Variants in RALGPS1 observed in about 807,000 individuals in gnomAD.
RALGPS1 encodes the protein Ral GEF with PH domain and SH3 binding motif 1.
RALGPS1 carries 19 observed loss-of-function variants against 78.8 expected under a neutral mutation model. The observed-to-expected ratio is 0.24, with a 90% CI of 0.17 to 0.35. RALGPS1 has a LOEUF of 0.35. Among genes scored for constraint, RALGPS1 ranks in the 10% least tolerant of loss-of-function variants. The pLI, the probability that RALGPS1 is intolerant of heterozygous loss-of-function variation, is 1.00. For missense variants in RALGPS1, 454 were observed against 688.3 expected (o/e 0.66, Z 3.81); for synonymous variants, 228 against 256.3 (o/e 0.89, Z 1.06).
rs768611385 is a variant in RALGPS1 at position 127,108,064 on chromosome 9, C to T, written c.610+38708C>T. ...GTTGTAGGTGGGTGGTTGGTAGACCCGGGGCGGGGCAGCGGGGGGTGGCTG... is the reference window on the plus strand; with the variant it reads ...GTTGTAGGTGGGTGGTTGGTAGACCTGGGGCGGGGCAGCGGGGGGTGGCTG... On this transcript the variant is annotated intron_variant, in intron 8 of 18. Coordinates refer to ENST00000259351, the MANE Select transcript of RALGPS1 (RefSeq NM_014636.3). 25 of 924,476 alleles carry T rather than the reference C, an allele frequency of 2.7e-5. No individual in the cohort carries two copies. In the East Asian group the frequency reaches 2.9e-4, roughly 11 times the overall value. The allele number at this position is 924,476 out of a possible 1,614,324, so 57.3% of individuals were successfully genotyped here.
At chr9:126,922,116 G>A (rs866361552) in intron 1 of RALGPS1, among the ~76,000 whole-genome samples, 4 of 152,168 alleles carry the variant, frequency 2.6e-5, no homozygotes, top group Non-Finnish European at 4.4e-5. Context: ...TTCTGGGCGC[G>A]TTTGTCTCAG....
Position 127,052,803 on chromosome 9 carries a change from T to A in RALGPS1, c.391-44T>A, listed in dbSNP as rs770318706. The A allele has an allele frequency of 3.1e-6, 4 of 1,289,074 alleles. No individual in the cohort carries two copies. The East Asian group carries it at 9.2e-5, about 30-fold the overall frequency. The allele number at this position is 1,289,074 out of a possible 1,614,324, so 79.9% of individuals were successfully genotyped here. On this transcript the variant is annotated intron_variant, in intron 6 of 18. Transcript: ENST00000259351. The stretch of plus-strand genomic sequence containing the variant: ...AACACTTGAGCATGTTTTTGTTCTG[T>A]TGTTTATAGCAGCAAAATAATCTAT...
At chr9:126,947,972 A>T (rs1205837162) in intron 1 of RALGPS1, among the ~76,000 whole-genome samples, 1 of 152,144 alleles carries the variant, frequency 6.6e-6, no homozygotes, top group Admixed American at 6.5e-5. Context: ...AAAGAGAACT[A>T]CATTTTTTTT....
At chr9:127,097,406 A>G (rs1161709259) in intron 8 of RALGPS1, among the ~76,000 whole-genome samples, 4 of 152,268 alleles carry the variant, frequency 2.6e-5, no homozygotes, top group African/African-American at 9.6e-5. Flanking sequence ...GGAATTTCAC[A>G]TGACAATCAG....
intron 4 of RALGPS1, among the ~76,000 whole-genome samples, chr9:127,028,703 A>G (rs2046166615): frequency 6.6e-6 from 1 of 152,220 alleles, no homozygotes; most frequent in African/African-American, 2.4e-5. Context: ...CGTTAAAAAT[A>G]TTACAATGTA....
At chr9:127,156,757 G>A (rs553003990) in intron 8 of RALGPS1, among the ~76,000 whole-genome samples, 4 of 152,104 alleles carry the variant, frequency 2.6e-5, no homozygotes, top group African/African-American at 9.6e-5. Flanking sequence ...CAATATGTCA[G>A]TCTTTTTTTA....
At chr9:127,001,384 C>T (rs534894884) in intron 4 of RALGPS1, among the ~76,000 whole-genome samples, 1 of 151,864 alleles carries the variant, frequency 6.6e-6, no homozygotes, top group Non-Finnish European at 1.5e-5. Flanking sequence ...CATGATTCCA[C>T]CTTAACTTCT....
intron 4 of RALGPS1, among the ~76,000 whole-genome samples, chr9:127,003,702 TTA>T: frequency 6.6e-6 from 1 of 152,124 alleles, no homozygotes; most frequent in African/African-American, 2.4e-5. Flanking sequence ...TTCTTTTTTT[TTA>T]AAATTATTTT....
rs566224411 is a variant in RALGPS1, at chr9:127,218,252, G to A, written c.1645-488G>A. 2.6e-5 allele frequency among the ~76,000 whole-genome samples: 4 copies of A among 152,084 alleles called. No homozygotes were observed. The South Asian group carries it at 6.2e-4, about 24-fold the overall frequency. ...GGGCAGAGCTGTGGGAAGGTCTTGG[G>A]GTTTCTGATATCCCTGAACTGACTC... On this transcript the variant is annotated intron_variant, in intron 18 of 18. Transcript: ENST00000259351. The surrounding 1 kb of genome is among the most constrained non-coding windows in gnomAD (Gnocchi z 4.4).
At chr9:126,916,802 C>A (rs1411782688) in intron 1 of RALGPS1, among the ~76,000 whole-genome samples, 1 of 151,946 alleles carries the variant, frequency 6.6e-6, no homozygotes, top group African/African-American at 2.4e-5. Flanking sequence ...CAAAAATCCC[C>A]AAAAGAAGAC....
chr9:127,212,774 C>T lies in RALGPS1; in HGVS notation c.1446+55C>T. ...GGACTTCCTCTAGTGGGGAAGGGAC[C>T]TCTGTGAACTGTGGAGGATGGGGGT... is the stretch of plus-strand genomic sequence containing the variant. On this transcript the variant is annotated intron_variant, in intron 16 of 18. Transcript: ENST00000259351. The surrounding 1 kb of genome is among the most constrained non-coding windows in gnomAD (Gnocchi z 6.0). The T allele has an allele frequency of 2.0e-6, 3 of 1,534,352 alleles. No homozygotes were observed. Among genetic ancestry groups the T allele is most frequent in the Non-Finnish European group, 2.7e-6 (3 of 1,115,708 alleles).
chr9:127,080,948 G>A (rs1055999146), intron 8 of RALGPS1, among the ~76,000 whole-genome samples: 12 of 152,166 alleles, frequency 7.9e-5, no homozygotes, highest in African/African-American at 2.7e-4. Context: ...AAGCATTTTG[G>A]ATAAGGGATG....
chr9:127,077,580 A>G (rs2050785994), intron 8 of RALGPS1, among the ~76,000 whole-genome samples: 1 of 152,196 alleles, frequency 6.6e-6, no homozygotes, highest in Admixed American at 6.5e-5. Context: ...CCTAGGACCA[A>G]GGTGCAGTAG....
chr9:127,200,476 A>C (rs1489655780), intron 14 of RALGPS1, among the ~76,000 whole-genome samples: 1 of 152,214 alleles, frequency 6.6e-6, no homozygotes, highest in Non-Finnish European at 1.5e-5. Flanking sequence ...GCTGAGCCAC[A>C]CCCAACAGCC....
At chr9:127,202,255 C>T (rs762487520) in intron 14 of RALGPS1, among the ~76,000 whole-genome samples, 3 of 152,228 alleles carry the variant, frequency 2.0e-5, no homozygotes, top group Non-Finnish European at 4.4e-5. Flanking sequence ...CCACTGTCAG[C>T]AGGCAGGCAG....
intron 4 of RALGPS1, among the ~76,000 whole-genome samples, chr9:127,002,597 TC>T (rs1293953040): frequency 1.4e-5 from 1 of 70,036 alleles, no homozygotes; most frequent in African/African-American, 5.8e-5. Flanking sequence ...CCCTCCCCCC[TC>T]CCCCCACCCC....
At chr9:127,214,708 C>T in intron 17 of RALGPS1, 43 bp from the exon 18 acceptor site, 1 of 1,573,580 alleles carries the variant, frequency 6.4e-7, no homozygotes, top group Non-Finnish European at 8.6e-7. Flanking sequence ...GCTGACCCTC[C>T]TACGTGGCCC....
chr9:127,188,997 CAAAAAAAAAAAAAAAAAAA>C (rs543909572), intron 11 of RALGPS1, among the ~76,000 whole-genome samples: 3 of 56,826 alleles, frequency 5.3e-5, no homozygotes, highest in African/African-American at 2.2e-4. Flanking sequence ...AAGACTGTCT[CAAAAAAAAAAAAAAAAAAA>C]AAAAAAAAAA....
Position 127,166,205 on chromosome 9 carries a change from T to C in RALGPS1, c.747T>C (p.Tyr249=), listed in dbSNP as rs200927942. ...IIADLQVSCS[Y]DHLTTLPHVQ... ...CTGATTTACAAGTTTCCTGCAGCTA[T>C]GGTTAGTACCCTTGTTGTTAGAATT... is the stretch of plus-strand genomic sequence containing the variant. Residue 249 remains tyrosine, a splice_region_variant and synonymous_variant, in exon 9 of 19, where the codon TAT becomes TAC. Coordinates refer to ENST00000259351, the MANE Select transcript of RALGPS1 (RefSeq NM_014636.3). 360 of 1,612,664 alleles carry C rather than the reference T, an allele frequency of 2.2e-4. No homozygotes were observed. The highest frequency in any genetic ancestry group is 2.9e-4 in the Non-Finnish European group (348 of 1,179,720).
Sources: allele counts gnomAD v4.1 joint callset (sites outside exome capture counted in the v4.1 genomes callset), GRCh38; gene constraint gnomAD v4.1.1; non-coding constraint Gnocchi (gnomAD v3.1); transcripts MANE v1.5; gene names NCBI Gene and HGNC (gene_info 2026-07-23, HGNC 2026-07-21).